ZNF407: variants seen among roughly 807,000 people sequenced by gnomAD.
ZNF407 encodes the protein zinc finger protein 407.
In ZNF407, 17 loss-of-function variants were observed where a neutral mutation model predicts 131.2. The observed-to-expected ratio is 0.13, with a 90% CI of 0.09 to 0.19. ZNF407 has a LOEUF of 0.19. Ranked by LOEUF, ZNF407 falls within the 10% of genes least tolerant of loss-of-function variation. ZNF407 has a pLI of 1.00. For synonymous variants in ZNF407, 1,156 were observed against 1,062.0 expected (o/e 1.09, Z -1.72); for missense variants, 2,681 against 2,830.6 (o/e 0.95, Z 1.20).
chr18:74,804,531 T>C lies in ZNF407; in HGVS notation c.4877+23029T>C, dbSNP rs568054681. The C allele has an allele frequency of 1.0e-5, 10 of 987,678 alleles. No individual in the cohort carries two copies. The South Asian group carries it at 3.7e-4, about 37-fold the overall frequency. The allele number at this position is 987,678 out of a possible 1,614,324, so 61.2% of individuals were successfully genotyped here. Reference sequence around the variant, plus strand: ...ACACTCAGATGCAAAAATACCAGGCTAAATACATTGCTTTGTTTGTATGTG... The same window carrying C: ...ACACTCAGATGCAAAAATACCAGGCCAAATACATTGCTTTGTTTGTATGTG... On this transcript the variant is annotated intron_variant, in intron 4 of 8. Coordinates refer to ENST00000299687, the MANE Select transcript of ZNF407 (RefSeq NM_017757.3).
intron 3 of ZNF407, among the ~76,000 whole-genome samples, chr18:74,766,434 T>C (rs1310769380): frequency 3.9e-5 from 6 of 152,280 alleles, no homozygotes; most frequent in Non-Finnish European, 7.4e-5. Flanking sequence ...GGTTTGGTTG[T>C]TGTCTTGTGA....
intron 3 of ZNF407, among the ~76,000 whole-genome samples, chr18:74,658,076 A>T (rs1649517835): frequency 6.6e-6 from 1 of 151,578 alleles, no homozygotes; most frequent in South Asian, 2.1e-4. Flanking sequence ...CTCCAATTGA[A>T]CATCACTACA....
intron 4 of ZNF407, among the ~76,000 whole-genome samples, chr18:74,818,691 CAG>C: frequency 6.6e-6 from 1 of 152,238 alleles, no homozygotes; most frequent in Non-Finnish European, 1.5e-5. Flanking sequence ...AAATATAGCA[CAG>C]AGAAATATCA....
chr18:74,842,729 T>C (rs1011182023), intron 4 of ZNF407, among the ~76,000 whole-genome samples: 1 of 152,140 alleles, frequency 6.6e-6, no homozygotes. Context: ...TATTTATTTA[T>C]TTATTATTTT....
rs560259117 is a variant in ZNF407 at position 74,701,120 on chromosome 18, A to G, written c.4802+59998A>G. ...ATGGCAGAGAGACCAGGGTTCCAGC[A>G]TAGTTGGGTTCTGGTGAAGGCTCGC... is the stretch of plus-strand genomic sequence containing the variant. On this transcript the variant is annotated intron_variant, in intron 3 of 8. Coordinates refer to ENST00000299687, the MANE Select transcript of ZNF407 (RefSeq NM_017757.3). Among the ~76,000 whole-genome samples the G allele has an allele frequency of 2.6e-5, 4 of 152,268 alleles. No individual in the cohort carries two copies. In the East Asian group the frequency reaches 7.7e-4, roughly 29 times the overall value.
chr18:74,924,328 A>T lies in ZNF407; in HGVS notation c.5428+3636A>T, dbSNP rs567355067. On this transcript the variant is annotated intron_variant, in intron 8 of 8. Coordinates refer to ENST00000299687, the MANE Select transcript of ZNF407 (RefSeq NM_017757.3). ...GTTGTATTCTTTTCTGTATATACTT[A>T]AAAAAAAAAACACCTTTCTCCACAT... Among the ~76,000 whole-genome samples the T allele has an allele frequency of 1.4e-4, 20 of 143,860 alleles. No individual in the cohort carries two copies. In the South Asian group the frequency reaches 3.5e-3, roughly 25 times the overall value. The allele number at this position is 143,860 out of a possible 152,430, so 94.4% of individuals were successfully genotyped here. A position where few individuals can be genotyped will look rare whatever the true frequency, so the allele number is the denominator to read the frequency against.
At chr18:74,753,774 T>C (rs1968862433) in intron 3 of ZNF407, among the ~76,000 whole-genome samples, 1 of 152,214 alleles carries the variant, frequency 6.6e-6, no homozygotes, top group African/African-American at 2.4e-5. Flanking sequence ...ATTGAGGATT[T>C]TTGCATTGAT....
At chr18:75,056,905 T>A (rs1004443481) in intron 8 of ZNF407, among the ~76,000 whole-genome samples, 2 of 152,256 alleles carry the variant, frequency 1.3e-5, no homozygotes, top group African/African-American at 4.8e-5. Flanking sequence ...TTTATTAGCA[T>A]AATCTGTTAA....
In ZNF407 at chr18:74,978,960, A is replaced by G. The variant is rs147140874; in HGVS notation, c.5428+58268A>G. Among the ~76,000 whole-genome samples the G allele has an allele frequency of 4.3e-3, 661 of 152,246 alleles. 5 individuals are homozygous for G. The highest frequency in any genetic ancestry group is 0.015 in the African/African-American group (607 of 41,550). Reference sequence around the variant, plus strand: ...AGAGGCGTGAGGGCTGTGGGCGGCAAATGAGACCTGTGGAGGCTGCTGTGT... The same window carrying G: ...AGAGGCGTGAGGGCTGTGGGCGGCAGATGAGACCTGTGGAGGCTGCTGTGT... On this transcript the variant is annotated intron_variant, in intron 8 of 8. Transcript: ENST00000299687.
At chr18:74,676,147 A>G (rs969345540) in intron 3 of ZNF407, among the ~76,000 whole-genome samples, 1 of 151,692 alleles carries the variant, frequency 6.6e-6, no homozygotes, top group Admixed American at 6.6e-5. Flanking sequence ...GCTGGAGTAC[A>G]GTGGCACGAT....
intron 7 of ZNF407, among the ~76,000 whole-genome samples, chr18:74,919,801 C>T (rs1278791238): frequency 6.6e-6 from 1 of 152,212 alleles, no homozygotes; most frequent in Non-Finnish European, 1.5e-5. Flanking sequence ...AAAAACAGCA[C>T]CCCATTCCCA....
intron 4 of ZNF407, among the ~76,000 whole-genome samples, chr18:74,826,221 A>G (rs1477521347): frequency 1.3e-5 from 2 of 152,214 alleles, no homozygotes; most frequent in Non-Finnish European, 2.9e-5. Flanking sequence ...AGGTAAGTCT[A>G]GACATGTGGT....
intron 4 of ZNF407, among the ~76,000 whole-genome samples, chr18:74,799,002 G>A (rs948158919): frequency 1.3e-5 from 2 of 152,062 alleles, no homozygotes; most frequent in Non-Finnish European, 2.9e-5. Context: ...CTATGGTGAT[G>A]TAGTTAACAT....
In ZNF407 at chr18:74,633,401, T is replaced by G. The variant is rs1984242912; in HGVS notation, c.2382T>G (p.Asn794Lys). ...AAGAAGAGTTTGATGTTTCCGGAAA[T>G]GGAAGGATTGAAGGCCATATAGGTG... is the stretch of plus-strand genomic sequence containing the variant. ...DKKEEFDVSG[N>K]GRIEGHIGVQ... Residue 794 changes from asparagine to lysine, a missense_variant, in exon 2 of 9, where the codon AAT becomes AAG. By Grantham distance (94) the Asn-to-Lys change is moderately conservative. Coordinates refer to ENST00000299687, the MANE Select transcript of ZNF407 (RefSeq NM_017757.3). The G allele has an allele frequency of 2.5e-6, 4 of 1,613,712 alleles. No homozygotes were observed. Among genetic ancestry groups the G allele is most frequent in the Non-Finnish European group, 3.4e-6 (4 of 1,179,860 alleles).
intron 4 of ZNF407, among the ~76,000 whole-genome samples, chr18:74,801,569 G>T (rs1218834920): frequency 1.3e-5 from 2 of 152,118 alleles, no homozygotes. Flanking sequence ...AGTTAATTAG[G>T]TTATACCTAT....
intron 4 of ZNF407, chr18:74,804,588 T>C (rs17244039): frequency 0.18 from 177,927 of 983,928 alleles, 17,171 homozygotes; most frequent in Non-Finnish European, 0.2. Flanking sequence ...GTACTATACA[T>C]CTAAGAAAAC....
chr18:75,018,852 T>A (rs964235244), intron 8 of ZNF407, among the ~76,000 whole-genome samples: 2 of 152,078 alleles, frequency 1.3e-5, no homozygotes, highest in African/African-American at 4.8e-5. Context: ...AGGAGTAAAT[T>A]TGTTGAGTCT....
chr18:74,970,941 C>T (rs1460793223), intron 8 of ZNF407, among the ~76,000 whole-genome samples: 6 of 152,386 alleles, frequency 3.9e-5, no homozygotes, highest in South Asian at 4.1e-4. Context: ...TTCCATACAT[C>T]TTCTGAAATC....
chr18:74,792,583 A>C (rs1969846440), intron 4 of ZNF407, among the ~76,000 whole-genome samples: 1 of 151,666 alleles, frequency 6.6e-6, no homozygotes, highest in African/African-American at 2.4e-5. Context: ...ATTAGGAGAA[A>C]TTTTAATTAA....
Sources: allele counts gnomAD v4.1 joint callset (sites outside exome capture counted in the v4.1 genomes callset), GRCh38; gene constraint gnomAD v4.1.1; transcripts MANE v1.5; gene names NCBI Gene and HGNC (gene_info 2026-07-23, HGNC 2026-07-21).